Variants in FRMD6 observed in about 807,000 individuals in gnomAD.
The protein encoded by FRMD6 is FERM domain-containing protein 6.
Under a neutral mutation model 73.2 loss-of-function variants are expected in FRMD6, and 37 were observed. The ratio of observed to expected loss-of-function variants is 0.51; its 90% CI spans 0.39 to 0.66. The LOEUF (loss-of-function observed/expected upper bound fraction) is 0.66. Among genes scored for constraint, FRMD6 ranks in the 30% least tolerant of loss-of-function variants. The pLI, the probability that FRMD6 is intolerant of heterozygous loss-of-function variation, is 0.00. For synonymous variants in FRMD6, 273 were observed against 282.2 expected (o/e 0.97, Z 0.33); for missense variants, 714 against 780.5 (o/e 0.91, Z 1.02).
chr14:51,465,507 T>G, the FRMD6 span, among the ~76,000 whole-genome samples: 55 of 152,372 alleles, frequency 3.6e-4, no homozygotes, highest in Non-Finnish European at 6.3e-4. Context: ...TTGCAATTTA[T>G]AGAATTCTAA....
chr14:51,552,263 CTT>C (rs970544269), intron 1 of FRMD6, among the ~76,000 whole-genome samples: 20 of 152,312 alleles, frequency 1.3e-4, no homozygotes, highest in African/African-American at 4.6e-4. Flanking sequence ...TCTGTCATAA[CTT>C]TTCATTTTAG....
At chr14:51,585,626 A>G (rs1250383460) in intron 2 of FRMD6, among the ~76,000 whole-genome samples, 1 of 152,086 alleles carries the variant, frequency 6.6e-6, no homozygotes, top group Non-Finnish European at 1.5e-5. Flanking sequence ...TCTATAAGAT[A>G]GGAATACCTA....
intron 1 of FRMD6, among the ~76,000 whole-genome samples, chr14:51,527,099 A>G (rs766590191): frequency 6.6e-6 from 1 of 152,270 alleles, no homozygotes; most frequent in Non-Finnish European, 1.5e-5. Flanking sequence ...CTCTGTCTCT[A>G]AAGTGGAGAT....
chr14:51,586,201 C>T (rs1035367282), intron 2 of FRMD6, among the ~76,000 whole-genome samples: 7 of 151,806 alleles, frequency 4.6e-5, no homozygotes, highest in African/African-American at 1.5e-4. Context: ...TTCCCACCAA[C>T]GATGTATAAT....
intron 2 of FRMD6, among the ~76,000 whole-genome samples, chr14:51,599,324 CA>C (rs1889903389): frequency 6.6e-6 from 1 of 151,964 alleles, no homozygotes; most frequent in Non-Finnish European, 1.5e-5. Context: ...TCCCTTTCAC[CA>C]TATACAAAAA....
At chr14:51,570,814 C>T (rs1888094414) in intron 2 of FRMD6, among the ~76,000 whole-genome samples, 1 of 152,196 alleles carries the variant, frequency 6.6e-6, no homozygotes, top group Admixed American at 6.5e-5. Flanking sequence ...TTCTCCATTG[C>T]CTTTTCTTCC....
the FRMD6 span, among the ~76,000 whole-genome samples, chr14:51,480,944 C>A: frequency 6.6e-6 from 1 of 152,138 alleles, no homozygotes; most frequent in Non-Finnish European, 1.5e-5. Flanking sequence ...ACCCATTGTT[C>A]AATAAATGCT....
chr14:51,443,933 C>A, the FRMD6 span, among the ~76,000 whole-genome samples: 1 of 138,134 alleles, frequency 7.2e-6, no homozygotes, highest in Non-Finnish European at 1.5e-5. Flanking sequence ...CCCTTTCAAG[C>A]AAGTTGTGAG....
At chr14:51,670,780 G>A (rs1294442703) in intron 1 of FRMD6, among the ~76,000 whole-genome samples, 1 of 151,832 alleles carries the variant, frequency 6.6e-6, no homozygotes, top group Admixed American at 6.6e-5. Context: ...TGAGTAGCTG[G>A]GATTGCAGGC....
intron 9 of FRMD6, chr14:51,714,261 T>G (rs1897119157): frequency 6.6e-6 from 1 of 152,062 alleles, no homozygotes; most frequent in African/African-American, 2.4e-5. Context: ...GTTGTTACTA[T>G]TTCAGTATTG....
chr14:51,714,474 T>G (rs1897132772), intron 9 of FRMD6: 1 of 152,238 alleles, frequency 6.6e-6, no homozygotes, highest in Admixed American at 6.5e-5. Context: ...CCTTTTTGTA[T>G]TTCGGCTGCC....
At chr14:51,681,193 C>T (rs986063705) in intron 1 of FRMD6, among the ~76,000 whole-genome samples, 8 of 152,052 alleles carry the variant, frequency 5.3e-5, no homozygotes, top group Admixed American at 3.9e-4. Context: ...TTTTTTTGTT[C>T]CTAACCCCGA....
chr14:51,491,104 C>T (rs557905449), intron 1 of FRMD6, among the ~76,000 whole-genome samples: 18 of 152,290 alleles, frequency 1.2e-4, no homozygotes, highest in African/African-American at 3.9e-4. Flanking sequence ...AAGACTCTTC[C>T]CTGGGTGTCT....
chr14:51,639,307 C>T (rs1266136950), intron 2 of FRMD6, among the ~76,000 whole-genome samples: 3 of 151,874 alleles, frequency 2.0e-5, no homozygotes, highest in East Asian at 3.9e-4. Flanking sequence ...TCGTGGCAGG[C>T]GCCTGTAGTC....
the FRMD6 span, among the ~76,000 whole-genome samples, chr14:51,473,403 A>T: frequency 6.6e-6 from 1 of 151,976 alleles, no homozygotes; most frequent in Non-Finnish European, 1.5e-5. Context: ...GCCTCAGCTG[A>T]CTCTGACCCT....
At chr14:51,565,084 C>G (rs936382562) in intron 1 of FRMD6, 1 of 152,164 alleles carries the variant, frequency 6.6e-6, no homozygotes, top group Non-Finnish European at 1.5e-5. Flanking sequence ...AACTCAAAAC[C>G]CAGACCGGGT....
At chr14:51,556,513 A>G (rs1887141584) in intron 1 of FRMD6, among the ~76,000 whole-genome samples, 1 of 152,178 alleles carries the variant, frequency 6.6e-6, no homozygotes, top group South Asian at 2.1e-4. Flanking sequence ...TACAAGACTG[A>G]GGCTCAGTCA....
At chr14:51,649,159 A>G (rs1331218271), upstream of FRMD6, among the ~76,000 whole-genome samples, 1 of 152,174 alleles carries the variant, frequency 6.6e-6, no homozygotes, top group Non-Finnish European at 1.5e-5. Context: ...TTACTTCCCC[A>G]ATCAGTCCTT....
intron 1 of FRMD6, among the ~76,000 whole-genome samples, chr14:51,504,715 G>A (rs2140228470): frequency 6.6e-6 from 1 of 152,280 alleles, no homozygotes; most frequent in African/African-American, 2.4e-5. Flanking sequence ...AGAATCAAAT[G>A]GGTACTATCA....
Sources: gnomAD v4.1 joint callset for allele counts (sites outside exome capture counted in the v4.1 genomes callset) on GRCh38, gnomAD v4.1.1 for gene constraint, MANE v1.5 for transcripts, NCBI Gene and HGNC (gene_info 2026-07-23, HGNC 2026-07-21) for gene names.